Variants in ARAP2 observed in about 807,000 individuals in gnomAD.
ARAP2 encodes arf-GAP with Rho-GAP domain, ANK repeat and PH domain-containing protein 2.
A neutral mutation model predicts 194.5 loss-of-function variants in ARAP2; 148 were observed. The ratio of observed to expected loss-of-function variants is 0.76; its 90% CI spans 0.67 to 0.87. ARAP2 has a LOEUF of 0.87. Ranked by LOEUF, ARAP2 falls within the 40% of genes least tolerant of loss-of-function variation. ARAP2 has a pLI of 0.00. For missense variants in ARAP2, 2,128 were observed against 1,989.7 expected (o/e 1.07, Z -1.32); for synonymous variants, 695 against 683.5 (o/e 1.02, Z -0.26).
chr4:36,099,161 T>C (rs1390958417), intron 27 of ARAP2, among the ~76,000 whole-genome samples: 1 of 152,096 alleles, frequency 6.6e-6, no homozygotes, highest in Non-Finnish European at 1.5e-5. Flanking sequence ...GTGTCTGGTT[T>C]TCTGTTCCCG....
intron 10 of ARAP2, chr4:36,006,569 G>T (rs1453721553): frequency 6.6e-6 from 1 of 151,242 alleles, no homozygotes; most frequent in African/African-American, 2.5e-5. Context: ...ACTGTTCTTT[G>T]TGACAATTTG....
rs1725684917 is a variant in ARAP2 at position 36,067,241 on chromosome 4, A to G, written c.*666T>C. 1 of 152,660 alleles carries G rather than the reference A, an allele frequency of 6.6e-6. No homozygotes were observed. Among genetic ancestry groups the G allele is most frequent in the African/African-American group, 2.4e-5 (1 of 41,464 alleles). The allele number at this position is 152,660 out of a possible 1,614,324, so 9.5% of individuals were successfully genotyped here. On this transcript the variant is annotated 3_prime_UTR_variant, in exon 33 of 33. Coordinates refer to ENST00000303965, the MANE Select transcript of ARAP2 (RefSeq NM_015230.4). ...GCTATTATTTACATCTGTTGGCCGAATATTACTCTTGAGAAATAAACACTG... is the reference window on the plus strand; with the variant it reads ...GCTATTATTTACATCTGTTGGCCGAGTATTACTCTTGAGAAATAAACACTG...
chr4:36,121,101 C>G, intron 23 of ARAP2, 78 bp downstream of exon 23: 1 of 1,063,890 alleles, frequency 9.4e-7, no homozygotes, highest in East Asian at 2.8e-5. Context: ...TGAATAATAA[C>G]ACCCTACAAC....
At chr4:36,216,744 T>TA (rs1748015503) in intron 2 of ARAP2, among the ~76,000 whole-genome samples, 1 of 151,800 alleles carries the variant, frequency 6.6e-6, no homozygotes, top group Admixed American at 6.6e-5. Flanking sequence ...AAAAAACTAC[T>TA]AAAAAAAACT....
At chr4:36,107,716 C>CAAATGGA in intron 26 of ARAP2, 23 bp from the exon 27 acceptor site, 1 of 1,570,044 alleles carries the variant, frequency 6.4e-7, no homozygotes, top group Non-Finnish European at 8.6e-7. Context: ...AATTCCAAAT[C>CAAATGGA]AAATGGAAAA....
At chr4:36,238,955 A>G (rs1752972172) in intron 1 of ARAP2, among the ~76,000 whole-genome samples, 1 of 152,178 alleles carries the variant, frequency 6.6e-6, no homozygotes, top group South Asian at 2.1e-4. Context: ...AAACAAAAAC[A>G]AAAACAAATG....
intron 9 of ARAP2, among the ~76,000 whole-genome samples, chr4:36,011,234 T>C (rs141680398): frequency 9.2e-4 from 140 of 152,222 alleles, no homozygotes; most frequent in Non-Finnish European, 1.5e-3. Context: ...ATTTCGCTCA[T>C]CTACTGTAAA....
intron 15 of ARAP2, among the ~76,000 whole-genome samples, chr4:36,153,950 G>A (rs938030126): frequency 2.0e-5 from 3 of 152,040 alleles, no homozygotes; most frequent in Non-Finnish European, 4.4e-5. Flanking sequence ...ACAGTTAATC[G>A]ACATTCCTGA....
At chr4:36,121,125 G>T in intron 23 of ARAP2, 54 bp downstream of exon 23, 1 of 1,341,112 alleles carries the variant, frequency 7.5e-7, no homozygotes, top group Non-Finnish European at 1.0e-6. Flanking sequence ...AATATTTGTT[G>T]GCAAACAGTG....
rs1400012761 is a variant in ARAP2 at position 36,165,127 on chromosome 4, C to T, written c.1974-14G>A. 17 of 1,613,444 alleles carry T rather than the reference C, an allele frequency of 1.1e-5. No homozygotes were observed. In the East Asian group the frequency reaches 1.6e-4, roughly 15 times the overall value. ...TCGGCTGTAAAGCTGAAACAATTAA[C>T]GTTTCTGTGTTATCGATCTCCCTTG... is the stretch of plus-strand genomic sequence containing the variant. On this transcript the variant is annotated splice_polypyrimidine_tract_variant and intron_variant, in intron 10 of 32. Transcript: ENST00000303965.
intron 19 of ARAP2, among the ~76,000 whole-genome samples, chr4:36,144,591 T>A (rs886357435): frequency 2.6e-5 from 4 of 151,888 alleles, no homozygotes; most frequent in African/African-American, 9.7e-5. Flanking sequence ...CAATCTGACA[T>A]AAATATCTAA....
intron 26 of ARAP2, among the ~76,000 whole-genome samples, chr4:36,112,179 G>T (rs984164198): frequency 6.6e-6 from 1 of 151,960 alleles, no homozygotes; most frequent in East Asian, 2.0e-4. Context: ...AGTTGAAAAG[G>T]CTTTTGTGGA....
Position 36,161,520 on chromosome 4 carries a change from G to C in ARAP2, c.2204C>G (p.Ser735Cys), listed in dbSNP as rs189257544. The C allele has an allele frequency of 3.1e-6, 5 of 1,613,806 alleles. No individual in the cohort carries two copies. The highest frequency in any genetic ancestry group is 4.2e-6 in the Non-Finnish European group (5 of 1,179,894). ...ATCCATTTTTAGACTTCTAACCTTG[G>C]AATCTTTTGGTCCTAAAGATCTATG... ...GQHRSLGPKDSKVRSLKMDAS... is the reference protein window; with the variant it reads ...GQHRSLGPKDCKVRSLKMDAS... The change falls in exon 12 of 33, where the codon TCC becomes TGC. Residue 735 changes from serine (S) to cysteine (C), a missense_variant. Physicochemically the swap from Ser to Cys is moderately radical, Grantham distance 112. Transcript: ENST00000303965.
chr4:36,136,115 T>A (rs1641526687), intron 19 of ARAP2, among the ~76,000 whole-genome samples: 1 of 151,836 alleles, frequency 6.6e-6, no homozygotes, highest in South Asian at 2.1e-4. Flanking sequence ...GCACTAACTT[T>A]CCTCTCTGAT....
rs144459733 is a variant in ARAP2, at chr4:36,193,585, T to C, written c.1550A>G (p.Asn517Ser). ...ACTGTAAAATGTATTTACCTTCTCA[T>C]TATTGTAGTAAGAAATGCTAAGGCC... ...FDGLSISYYN[N>S]EKEMYSKGII... The change falls in exon 7 of 33, where the codon AAT becomes AGT. Residue 517 changes from asparagine (N) to serine (S), a missense_variant. Asn to Ser is a conservative substitution (Grantham distance 46, BLOSUM62 1). Coordinates refer to ENST00000303965, the MANE Select transcript of ARAP2 (RefSeq NM_015230.4). The C allele has an allele frequency of 6.3e-7, 1 of 1,589,206 alleles. No homozygotes were observed. Among genetic ancestry groups the C allele is most frequent in the Non-Finnish European group, 8.6e-7 (1 of 1,169,022 alleles).
intron 6 of ARAP2, among the ~76,000 whole-genome samples, chr4:36,207,092 C>G (rs1485883837): frequency 6.6e-6 from 1 of 152,210 alleles, no homozygotes; most frequent in Non-Finnish European, 1.5e-5. Flanking sequence ...GCACAGCCAT[C>G]CAACCATGTT....
chr4:36,135,962 T>C (rs868073206), intron 19 of ARAP2, among the ~76,000 whole-genome samples: 6 of 151,938 alleles, frequency 3.9e-5, no homozygotes, highest in Middle Eastern at 6.8e-3. Context: ...ATTTTCTTTC[T>C]AGTCAGAAAA....
chr4:36,131,366 C>G (rs1725407054), intron 20 of ARAP2, among the ~76,000 whole-genome samples: 1 of 149,638 alleles, frequency 6.7e-6, no homozygotes, highest in Non-Finnish European at 1.5e-5. Context: ...AAAAATATGA[C>G]ACATATTTAT....
intron 3 of ARAP2, among the ~76,000 whole-genome samples, chr4:36,214,116 A>G (rs901768478): frequency 1.3e-5 from 2 of 152,190 alleles, no homozygotes; most frequent in African/African-American, 4.8e-5. Flanking sequence ...TTTGTTCTGT[A>G]GCTCAAACTG....
Sources: allele counts gnomAD v4.1 joint callset (sites outside exome capture counted in the v4.1 genomes callset), GRCh38; gene constraint gnomAD v4.1.1; transcripts MANE v1.5; gene names NCBI Gene and HGNC (gene_info 2026-07-23, HGNC 2026-07-21).